Variants in MDH2 observed in about 807,000 individuals in gnomAD.
MDH2 encodes malate dehydrogenase 2.
Under a neutral mutation model 33.6 loss-of-function variants are expected in MDH2, and 25 were observed. The ratio of observed to expected loss-of-function variants is 0.74; its 90% CI spans 0.54 to 1.04. The LOEUF is 1.04. Ranked by LOEUF, MDH2 falls within the 50% of genes least tolerant of loss-of-function variation. MDH2 has a pLI of 0.00. For synonymous variants in MDH2, 193 were observed against 188.7 expected, an observed-to-expected ratio of 1.02 and a Z score of -0.19; for missense variants, 432 against 445.0, an observed-to-expected ratio of 0.97 and a Z score of 0.26.
intron 8 of MDH2, chr7:76,065,234 G>C (rs1289137232): frequency 3.2e-6 from 1 of 311,230 alleles, no homozygotes; most frequent in African/African-American, 2.1e-5. Context: ...TCCATCTCCA[G>C]GCAGCCCAGG....
At chr7:76,048,981 C>CGGG (rs71521108) in intron 1 of MDH2, 33 of 500,470 alleles carry the variant, frequency 6.6e-5, no homozygotes, top group African/African-American at 1.2e-4. Context: ...CTTAAGACTG[C>CGGG]GGGGGGGGGG....
At chr7:76,057,897 C>T (rs538666073) in intron 3 of MDH2, 72 bp from the exon 4 acceptor site, 80 of 1,420,228 alleles carry the variant, frequency 5.6e-5, no homozygotes, top group South Asian at 4.6e-4. Flanking sequence ...TAACAGCTGG[C>T]GCTCAGCACA....
At position 76,064,834 on chromosome 7, in the gene MDH2, G is replaced by T; in HGVS notation, c.766G>T (p.Ala256Ser). The T allele has an allele frequency of 6.2e-7, 1 of 1,614,040 alleles. No individual in the cohort carries two copies. Among genetic ancestry groups the T allele is most frequent in the Non-Finnish European group, 8.5e-7 (1 of 1,179,990 alleles). Residue 256 changes from alanine to serine, a missense_variant, in exon 8 of 9, where the codon GCC (alanine) becomes TCC (serine). Ala to Ser is a moderately conservative substitution (Grantham distance 99). Transcript: ENST00000315758. ...CACCCTCTCCATGGCGTATGCCGGC[G>T]CCCGCTTTGTCTTCTCCCTTGTGGA... is the stretch of plus-strand genomic sequence containing the variant. ...SATLSMAYAG[A>S]RFVFSLVDAM... is the part of the protein sequence containing the mutation.
chr7:76,056,860 A>G (rs1797801144), intron 2 of MDH2, among the ~76,000 whole-genome samples: 1 of 152,066 alleles, frequency 6.6e-6, no homozygotes, highest in Non-Finnish European at 1.5e-5. Flanking sequence ...TAAAAATACA[A>G]AAATTAGCCA....
chr7:76,059,689 C>T (rs1260654695), intron 4 of MDH2, among the ~76,000 whole-genome samples: 1 of 152,194 alleles, frequency 6.6e-6, no homozygotes, highest in Non-Finnish European at 1.5e-5. Context: ...TGGATGCCAG[C>T]AGGCATGCAG....
chr7:76,058,316 G>A (rs2116677184), intron 4 of MDH2: 1 of 511,450 alleles, frequency 2.0e-6, no homozygotes, highest in South Asian at 2.9e-5. Flanking sequence ...GCCTTGTGCT[G>A]TGGGCAGACC....
In MDH2 at chr7:76,064,237, G is replaced by C. The variant is rs1798031462; in HGVS notation, c.634-102G>C. ...TAGAAAACCTTTCCCATGCCCTGGT[G>C]ATGGGAGGGAGAGGAGAGGTCGGGA... On this transcript the variant is annotated intron_variant, in intron 6 of 8. Coordinates refer to ENST00000315758, the MANE Select transcript of MDH2 (RefSeq NM_005918.4). The C allele has an allele frequency of 3.1e-5, 23 of 745,026 alleles. 1 individual carries two copies. In the South Asian group the frequency reaches 4.3e-4, roughly 14 times the overall value. The allele number at this position is 745,026 out of a possible 1,614,324, so 46.2% of individuals were successfully genotyped here.
chr7:76,061,697 A>AG (rs1200152337), intron 5 of MDH2, among the ~76,000 whole-genome samples: 2 of 151,420 alleles, frequency 1.3e-5, no homozygotes, highest in African/African-American at 4.9e-5. Flanking sequence ...GTATGTCCAG[A>AG]GGCCCCCGGG....
At position 76,064,740 on chromosome 7, in the gene MDH2, C is replaced by T. The variant is rs530484191; in HGVS notation, c.734-62C>T. 4.0e-6 allele frequency: 6 copies of T among 1,514,982 alleles called. No homozygotes were observed. In the South Asian group the frequency reaches 6.5e-5, roughly 16 times the overall value. The allele number at this position is 1,514,982 out of a possible 1,614,324, so 93.8% of individuals were successfully genotyped here. The stretch of plus-strand genomic sequence containing the variant: ...TGTGCAGGTGTCTTGGCTGGCGGGG[C>T]CGGCTCACCTGGGCGTCACGTTTGT... On this transcript the variant is annotated intron_variant, in intron 7 of 8. Transcript: ENST00000315758.
chr7:76,052,747 T>C (rs781857510), intron 1 of MDH2, among the ~76,000 whole-genome samples: 1 of 151,924 alleles, frequency 6.6e-6, no homozygotes, highest in Non-Finnish European at 1.5e-5. Context: ...GGTTTTGCCA[T>C]GTTGGCCAAG....
chr7:76,049,238 G>T (rs367864858), intron 1 of MDH2, among the ~76,000 whole-genome samples: 3 of 152,106 alleles, frequency 2.0e-5, no homozygotes, highest in East Asian at 1.9e-4. Context: ...AAGTCAAAAG[G>T]CGAGTTTAAC....
chr7:76,052,122 A>G (rs1291853189), intron 1 of MDH2, among the ~76,000 whole-genome samples: 1 of 152,134 alleles, frequency 6.6e-6, no homozygotes, highest in Non-Finnish European at 1.5e-5. Context: ...GGACCCATCC[A>G]TTTAAGCACC....
At chr7:76,048,954 TG>T in intron 1 of MDH2, 1 of 618,866 alleles carries the variant, frequency 1.6e-6, no homozygotes, top group Non-Finnish European at 1.9e-6. Flanking sequence ...AACAGACGTC[TG>T]GGTTCATTGA....
At chr7:76,055,202 A>T (rs2116664587) in intron 2 of MDH2, among the ~76,000 whole-genome samples, 1 of 152,338 alleles carries the variant, frequency 6.6e-6, no homozygotes, top group Non-Finnish European at 1.5e-5. Flanking sequence ...AATGTGAGGT[A>T]GCCTAATCAT....
intron 1 of MDH2, 117 bp from the exon 2 acceptor site, chr7:76,054,713 G>C: frequency 8.8e-7 from 1 of 1,134,170 alleles, no homozygotes. Context: ...TACAATGATT[G>C]TATCTTGCTT....
chr7:76,063,520 G>A lies in MDH2; in HGVS notation c.561G>A (p.Leu187=). 6.2e-7 allele frequency: 1 copy of A among 1,614,240 alleles called. No individual in the cohort carries two copies. Among genetic ancestry groups the A allele is most frequent in the Non-Finnish European group, 8.5e-7 (1 of 1,180,032 alleles). Residue 187 remains leucine (L), a synonymous_variant, in exon 6 of 9, where the codon TTG becomes TTA. Transcript: ENST00000315758. ...ANTFVAELKG[L]DPARVNVPVI... Reference sequence around the variant, plus strand: ...CTTCATACTTTGGTCACCAGGGTTTGGATCCAGCTCGAGTCAACGTCCCTG... The same window carrying A: ...CTTCATACTTTGGTCACCAGGGTTTAGATCCAGCTCGAGTCAACGTCCCTG...
rs1554587968 is a variant in MDH2 at position 76,066,710 on chromosome 7, CG to C, written c.*301del. Reference sequence around the variant, plus strand: ...ATGATGTTTAACTGTTAGACTGAAGCGTGACGCTTTCATCAGTAGCTTCAAG... The same window carrying C: ...ATGATGTTTAACTGTTAGACTGAAGCTGACGCTTTCATCAGTAGCTTCAAG... On this transcript the variant is annotated 3_prime_UTR_variant, in exon 9 of 9. Coordinates refer to ENST00000315758, the MANE Select transcript of MDH2 (RefSeq NM_005918.4). The C allele has an allele frequency of 1.6e-4, 35 of 218,266 alleles. No individual in the cohort carries two copies. Among genetic ancestry groups the C allele is most frequent in the African/African-American group, 7.3e-4 (32 of 43,814 alleles). The allele number at this position is 218,266 out of a possible 1,614,324, so 13.5% of individuals were successfully genotyped here. A position where few individuals can be genotyped will look rare whatever the true frequency, so the allele number is the denominator to read the frequency against.
chr7:76,052,084 C>A (rs781992163), intron 1 of MDH2, among the ~76,000 whole-genome samples: 1 of 152,204 alleles, frequency 6.6e-6, no homozygotes, highest in Admixed American at 6.5e-5. Context: ...CTCCCTCCCC[C>A]ATGTTGTGTT....
At position 76,063,719 on chromosome 7, in the gene MDH2, G is replaced by C. The variant is rs137973123; in HGVS notation, c.633+127G>C. ...GCCAGGTTTTGGAAGGGCTCCTGTT[G>C]TAGGCAGCCCCGCCCCTCTGCTGCA... On this transcript the variant is annotated intron_variant, in intron 6 of 8. Transcript: ENST00000315758. The C allele has an allele frequency of 4.9e-4, 434 of 883,612 alleles. 1 individual carries two copies. In the African/African-American group the frequency reaches 6.4e-3, roughly 13 times the overall value. 54.7% of individuals were successfully genotyped at this position (883,612 alleles called of 1,614,324 possible).
Sources: allele counts gnomAD v4.1 joint callset (sites outside exome capture counted in the v4.1 genomes callset), GRCh38; gene constraint gnomAD v4.1.1; transcripts MANE v1.5; gene names NCBI Gene and HGNC (gene_info 2026-07-23, HGNC 2026-07-21).